IQCM: variants seen among roughly 807,000 people sequenced by gnomAD.
IQCM encodes IQ motif containing M, also known as IQ domain-containing protein M.
In IQCM, 45 loss-of-function variants were observed where a neutral mutation model predicts 57.6. That is an observed-to-expected ratio of 0.78 (90% CI 0.62 to 1.00). IQCM has a LOEUF of 1.00. IQCM is among the 50% of genes least tolerant of loss of function. IQCM has a pLI of 0.00. For synonymous variants in IQCM, 148 were observed against 158.9 expected, an observed-to-expected ratio of 0.93 and a Z score of 0.51; for missense variants, 468 against 511.6, an observed-to-expected ratio of 0.91 and a Z score of 0.82.
intron 2 of IQCM, among the ~76,000 whole-genome samples, chr4:149,782,957 A>C (rs187298023): frequency 2.0e-5 from 3 of 152,208 alleles, no homozygotes; most frequent in East Asian, 3.9e-4. Flanking sequence ...TAAACATTAG[A>C]GTGTTTCATA....
intron 5 of IQCM, among the ~76,000 whole-genome samples, chr4:149,726,905 C>A (rs1451195506): frequency 6.6e-6 from 1 of 151,922 alleles, no homozygotes; most frequent in African/African-American, 2.4e-5. Context: ...CAGGTGCCTG[C>A]CATCAAGCCT....
intron 12 of IQCM, among the ~76,000 whole-genome samples, chr4:149,528,333 A>G (rs1014686576): frequency 1.3e-5 from 2 of 152,172 alleles, no homozygotes; most frequent in African/African-American, 4.8e-5. Flanking sequence ...CTGAGGCACC[A>G]TGTAGAACCC....
chr4:149,552,273 C>T (rs1749111271), intron 11 of IQCM, among the ~76,000 whole-genome samples: 1 of 152,106 alleles, frequency 6.6e-6, no homozygotes, highest in Non-Finnish European at 1.5e-5. Context: ...GACATAATCC[C>T]TTTCTTCATG....
intron 6 of IQCM, 143 bp from the exon 7 acceptor site, chr4:149,682,349 A>G (rs548835305): frequency 2.6e-6 from 1 of 389,922 alleles, no homozygotes; most frequent in Non-Finnish European, 4.5e-6. Flanking sequence ...TTGTTCCCTC[A>G]GTGCCTTGCA....
intron 9 of IQCM, among the ~76,000 whole-genome samples, chr4:149,576,553 T>C (rs1223641376): frequency 6.6e-6 from 1 of 151,946 alleles, no homozygotes; most frequent in Non-Finnish European, 1.5e-5. Context: ...GCTATATCCA[T>C]GTTACTGCAA....
At chr4:149,679,538 G>C (rs1762020538) in intron 7 of IQCM, among the ~76,000 whole-genome samples, 1 of 151,470 alleles carries the variant, frequency 6.6e-6, no homozygotes, top group Non-Finnish European at 1.5e-5. Context: ...CTGTCATAAA[G>C]AGAAGACAAA....
At chr4:149,745,216 C>G (rs150507451) in intron 2 of IQCM, among the ~76,000 whole-genome samples, 1 of 152,242 alleles carries the variant, frequency 6.6e-6, no homozygotes, top group Non-Finnish European at 1.5e-5. Context: ...TGGGGGACAT[C>G]AAGTTGTGTG....
intron 12 of IQCM, among the ~76,000 whole-genome samples, chr4:149,478,952 G>C (rs769831399): frequency 8.0e-6 from 1 of 125,276 alleles, no homozygotes; most frequent in Non-Finnish European, 1.7e-5. Flanking sequence ...GGAAGGGACT[G>C]TGTCCTCCCC....
At chr4:149,554,517 T>C (rs769849736) in intron 10 of IQCM, among the ~76,000 whole-genome samples, 5 of 151,866 alleles carry the variant, frequency 3.3e-5, no homozygotes, top group African/African-American at 4.8e-5. Context: ...AGTTTCACCA[T>C]GTTAGCCAGG....
chr4:149,592,365 T>C (rs1268647133), intron 8 of IQCM, among the ~76,000 whole-genome samples: 1 of 152,222 alleles, frequency 6.6e-6, no homozygotes, highest in Non-Finnish European at 1.5e-5. Context: ...TAGCCCTTTG[T>C]CAGATGGGTA....
chr4:149,398,110 T>A (rs1317543714), intron 13 of IQCM, among the ~76,000 whole-genome samples: 1 of 152,034 alleles, frequency 6.6e-6, no homozygotes, highest in Non-Finnish European at 1.5e-5. Flanking sequence ...TTGTTTTGAA[T>A]ATGGTTATCC....
chr4:149,358,161 G>A (rs562241047), intron 13 of IQCM, among the ~76,000 whole-genome samples: 18 of 151,958 alleles, frequency 1.2e-4, no homozygotes, highest in South Asian at 2.1e-4. Context: ...TCTTGCTAGC[G>A]GTCTATCAAT....
chr4:149,757,108 A>G (rs1769041802), intron 2 of IQCM, among the ~76,000 whole-genome samples: 1 of 152,032 alleles, frequency 6.6e-6, no homozygotes, highest in Admixed American at 6.6e-5. Context: ...AATACAAAAA[A>G]TTAGCCGGGC....
chr4:149,678,618 G>A lies in IQCM; in HGVS notation c.565+3500C>T, dbSNP rs536607157. 4.9e-4 allele frequency among the ~76,000 whole-genome samples: 74 copies of A among 149,772 alleles called. 1 individual carries two copies. In the South Asian group the frequency reaches 0.016, roughly 32 times the overall value. ...AACCCACTGGTAAAATTAAGTACAA[G>A]GACAAACCCAGAATACTATAATAAT... On this transcript the variant is annotated intron_variant, in intron 7 of 13. Transcript: ENST00000636793.
At chr4:149,676,000 T>C (rs761580149) in intron 7 of IQCM, among the ~76,000 whole-genome samples, 4 of 152,140 alleles carry the variant, frequency 2.6e-5, no homozygotes, top group Non-Finnish European at 5.9e-5. Flanking sequence ...CATTATTAGC[T>C]TTTTTTCTTT....
At chr4:149,608,394 C>T (rs1754983482) in intron 8 of IQCM, among the ~76,000 whole-genome samples, 1 of 151,846 alleles carries the variant, frequency 6.6e-6, no homozygotes, top group African/African-American at 2.4e-5. Flanking sequence ...CAGACTTAAT[C>T]TTCACTATAG....
intron 7 of IQCM, among the ~76,000 whole-genome samples, chr4:149,652,494 AC>A (rs1298377487): frequency 1.3e-5 from 2 of 152,186 alleles, no homozygotes. Context: ...TAGCATAAAA[AC>A]CAAAAAGATT....
intron 13 of IQCM, among the ~76,000 whole-genome samples, chr4:149,388,564 A>C (rs1394998808): frequency 2.3e-5 from 3 of 132,030 alleles, no homozygotes; most frequent in African/African-American, 8.5e-5. Flanking sequence ...TAATATATTT[A>C]TATACATAAA....
intron 8 of IQCM, among the ~76,000 whole-genome samples, chr4:149,600,432 T>C (rs1417519901): frequency 6.6e-6 from 1 of 152,130 alleles, no homozygotes; most frequent in Non-Finnish European, 1.5e-5. Flanking sequence ...GAAAGTTAAA[T>C]TGGGGATACA....
Sources: allele counts gnomAD v4.1 joint callset (sites outside exome capture counted in the v4.1 genomes callset), GRCh38; gene constraint gnomAD v4.1.1; transcripts MANE v1.5; gene names NCBI Gene and HGNC (gene_info 2026-07-23, HGNC 2026-07-21).